The following SGTB variants were observed in gnomAD, a reference collection of about 807,000 sequenced individuals.
SGTB encodes the protein small glutamine rich tetratricopeptide repeat co-chaperone beta, also known as small glutamine-rich tetratricopeptide repeat-containing protein beta.
A neutral mutation model predicts 43.9 loss-of-function variants in SGTB; 19 were observed. The ratio of observed to expected loss-of-function variants is 0.43; its 90% confidence interval spans 0.30 to 0.63. The LOEUF is 0.63. Ranked by LOEUF, SGTB falls within the 30% of genes least tolerant of loss-of-function variation. The pLI, the probability that SGTB is intolerant of heterozygous loss-of-function variation, is 0.12. For missense variants in SGTB, 304 were observed against 358.9 expected, an observed-to-expected ratio of 0.85 and a Z score of 1.24; for synonymous variants, 116 against 117.3, an observed-to-expected ratio of 0.99 and a Z score of 0.07.
intron 8 of SGTB, 51 bp downstream of exon 8, chr5:65,680,443 A>G: frequency 6.3e-7 from 1 of 1,596,826 alleles, no homozygotes; most frequent in South Asian, 1.1e-5. Context: ...GCATAGCTAC[A>G]TAGTCTATGG....
chr5:65,672,358 G>C (rs978512172), intron 8 of SGTB, 77 bp from the exon 9 acceptor site: 3 of 1,567,846 alleles, frequency 1.9e-6, no homozygotes, highest in Non-Finnish European at 2.6e-6. Flanking sequence ...TTTTTTAGAA[G>C]AATGAAAGCT....
intron 5 of SGTB, among the ~76,000 whole-genome samples, chr5:65,702,926 G>T (rs1757850797): frequency 6.6e-6 from 1 of 152,174 alleles, no homozygotes; most frequent in Non-Finnish European, 1.5e-5. Flanking sequence ...ACTTAGTGCT[G>T]ATCAAGGGTG....
chr5:65,692,211 A>C (rs13188971), intron 5 of SGTB, among the ~76,000 whole-genome samples: 3 of 152,178 alleles, frequency 2.0e-5, no homozygotes, highest in Non-Finnish European at 4.4e-5. Context: ...GGAAACGATA[A>C]AATTAGAAAA....
chr5:65,698,433 G>A (rs1212048034), intron 5 of SGTB, among the ~76,000 whole-genome samples: 1 of 152,100 alleles, frequency 6.6e-6, no homozygotes, highest in Non-Finnish European at 1.5e-5. Flanking sequence ...GGAAACCAAG[G>A]CATAGATGCA....
At chr5:65,686,284 C>G (rs1478337385) in intron 5 of SGTB, among the ~76,000 whole-genome samples, 1 of 152,148 alleles carries the variant, frequency 6.6e-6, no homozygotes, top group Non-Finnish European at 1.5e-5. Context: ...ACCTCTGCCT[C>G]CAACACTGTA....
At chr5:65,691,880 G>A (rs191600326) in intron 5 of SGTB, among the ~76,000 whole-genome samples, 2,080 of 150,204 alleles carry the variant, frequency 0.014, 54 homozygotes, top group African/African-American at 0.048. Context: ...GCAGTGAGCC[G>A]AGATCGCGCC....
At chr5:65,684,872 A>G (rs1332115340) in intron 6 of SGTB, among the ~76,000 whole-genome samples, 2 of 152,126 alleles carry the variant, frequency 1.3e-5, no homozygotes, top group Non-Finnish European at 2.9e-5. Flanking sequence ...CCATTTTAAC[A>G]AGAAAAAAGG....
At chr5:65,704,247 A>C in intron 5 of SGTB, 32 bp downstream of exon 5, 1 of 1,482,842 alleles carries the variant, frequency 6.7e-7, no homozygotes, top group Non-Finnish European at 9.2e-7. Flanking sequence ...ATGTTTAAGA[A>C]TTGCAAACCT....
chr5:65,684,085 A>AT (rs1218925954), intron 6 of SGTB, among the ~76,000 whole-genome samples: 9 of 151,294 alleles, frequency 5.9e-5, no homozygotes, highest in Non-Finnish European at 1.3e-4. Flanking sequence ...CCAACTAATG[A>AT]TTTTTTTTCT....
Position 65,720,782 on chromosome 5 carries a change from T to G in SGTB, c.26A>C (p.Tyr9Ser). ...TTCCCGTAAGAAACGAATAACTGCA[T>G]AAACCAGGTGCTTGATAGATGACAT... MSSIKHLV[Y>S]AVIRFLREQS... is the part of the protein sequence containing the mutation. The change falls in exon 2 of 11, where the codon TAT becomes TCT. Residue 9 changes from tyrosine (Y) to serine (S), a missense_variant. Coordinates refer to ENST00000381007, the MANE Select transcript of SGTB (RefSeq NM_019072.3). 6.2e-7 allele frequency: 1 copy of G among 1,613,882 alleles called. No homozygotes were observed. The highest frequency in any genetic ancestry group is 8.5e-7 in the Non-Finnish European group (1 of 1,179,938).
intron 4 of SGTB, 38 bp downstream of exon 4, chr5:65,708,451 G>T: frequency 6.4e-7 from 1 of 1,567,956 alleles, no homozygotes; most frequent in Non-Finnish European, 8.7e-7. Flanking sequence ...GTTTCAGAAA[G>T]CTTTACTAAG....
chr5:65,718,812 T>C (rs940802705), intron 2 of SGTB, among the ~76,000 whole-genome samples: 2 of 152,134 alleles, frequency 1.3e-5, no homozygotes, highest in African/African-American at 4.8e-5. Flanking sequence ...CACATATTTT[T>C]GGCTGAATAC....
At chr5:65,703,312 A>C (rs1300938968) in intron 5 of SGTB, among the ~76,000 whole-genome samples, 1 of 152,258 alleles carries the variant, frequency 6.6e-6, no homozygotes, top group Non-Finnish European at 1.5e-5. Flanking sequence ...AGCAGTAGTA[A>C]TAGAGATTAA....
At chr5:65,711,935 G>A (rs1183671938) in intron 3 of SGTB, among the ~76,000 whole-genome samples, 2 of 152,126 alleles carry the variant, frequency 1.3e-5, no homozygotes, top group Non-Finnish European at 1.5e-5. Context: ...AGGAGCCCAC[G>A]AGGCACCACA....
chr5:65,688,539 T>C (rs924275383), intron 5 of SGTB, among the ~76,000 whole-genome samples: 1 of 152,218 alleles, frequency 6.6e-6, no homozygotes. Flanking sequence ...GAAAGAACTA[T>C]GTGGTTTTGA....
At position 65,666,878 on chromosome 5, in the gene SGTB, A is replaced by G. The variant is rs1757049919; in HGVS notation, c.*3368T>C. 2 of 152,304 alleles carry G rather than the reference A, an allele frequency of 1.3e-5. No individual in the cohort carries two copies. The highest frequency in any genetic ancestry group is 4.1e-4 in the South Asian group (2 of 4,820). 9.4% of individuals were successfully genotyped at this position (152,304 alleles called of 1,614,324 possible). On this transcript the variant is annotated 3_prime_UTR_variant, in exon 11 of 11. Transcript: ENST00000381007. The stretch of plus-strand genomic sequence containing the variant: ...TTAGCACATGAAGACATTGTTTTAA[A>G]GTTTTTTTTCTTATAGTATCTTTGT...
intron 4 of SGTB, 93 bp downstream of exon 4, chr5:65,708,396 T>C (rs1757978425): frequency 2.8e-6 from 3 of 1,053,808 alleles, no homozygotes; most frequent in East Asian, 2.5e-5. Context: ...AATCTAGTCT[T>C]GGTGGTGTAA....
At chr5:65,699,905 T>C (rs1489852541) in intron 5 of SGTB, among the ~76,000 whole-genome samples, 1 of 152,210 alleles carries the variant, frequency 6.6e-6, no homozygotes, top group Non-Finnish European at 1.5e-5. Flanking sequence ...AAGATAGAAT[T>C]TGATAGGGGC....
chr5:65,700,673 T>A (rs1757796632), intron 5 of SGTB, among the ~76,000 whole-genome samples: 1 of 127,726 alleles, frequency 7.8e-6, no homozygotes, highest in Non-Finnish European at 1.6e-5. Flanking sequence ...AGAGTGAGAC[T>A]CTGTCTCCCA....
Sources: gnomAD v4.1 joint callset for allele counts (sites outside exome capture counted in the v4.1 genomes callset) on GRCh38, gnomAD v4.1.1 for gene constraint, MANE v1.5 for transcripts, NCBI Gene and HGNC (gene_info 2026-07-23, HGNC 2026-07-21) for gene names.